Variants in LGR6 observed in about 807,000 individuals in gnomAD.
LGR6 encodes leucine rich repeat containing G protein-coupled receptor 6.
Under a neutral mutation model 69.4 loss-of-function variants are expected in LGR6, and 45 were observed. That is an observed-to-expected ratio of 0.65 (90% CI 0.51 to 0.83). The LOEUF (loss-of-function observed/expected upper bound fraction) is 0.83. Among genes scored for constraint, LGR6 ranks in the 40% least tolerant of loss-of-function variants. LGR6 has a pLI of 0.00. For synonymous variants in LGR6, 538 were observed against 555.0 expected (o/e 0.97, Z 0.43); for missense variants, 1,108 against 1,246.7 (o/e 0.89, Z 1.68).
intron 7 of LGR6, among the ~76,000 whole-genome samples, chr1:202,299,310 A>G (rs143856739): frequency 6.6e-6 from 1 of 151,388 alleles, no homozygotes; most frequent in African/African-American, 2.4e-5. Flanking sequence ...GAATTTCTCC[A>G]TTGCCAGAGT....
At chr1:202,209,799 A>T (rs1659392395) in intron 1 of LGR6, among the ~76,000 whole-genome samples, 1 of 152,142 alleles carries the variant, frequency 6.6e-6, no homozygotes, top group Non-Finnish European at 1.5e-5. Flanking sequence ...TGACCTACTG[A>T]GCCAGAATCT....
chr1:202,281,042 C>T (rs1031752584), intron 6 of LGR6, 190 bp downstream of exon 6: 5 of 578,302 alleles, frequency 8.6e-6, no homozygotes, highest in East Asian at 6.1e-5. Flanking sequence ...ATTTCTTCCT[C>T]CTTCAGGTGG....
intron 6 of LGR6, among the ~76,000 whole-genome samples, chr1:202,284,831 G>A (rs1160129620): frequency 6.6e-6 from 1 of 152,220 alleles, no homozygotes; most frequent in African/African-American, 2.4e-5. Flanking sequence ...GAGGGGACAG[G>A]GCCCAGGATG....
chr1:202,272,423 C>T (rs1270770890), intron 4 of LGR6, among the ~76,000 whole-genome samples: 2 of 152,314 alleles, frequency 1.3e-5, no homozygotes, highest in East Asian at 1.9e-4. Context: ...TTCCTTTTCT[C>T]CTTTGGTGTG....
chr1:202,199,829 T>C (rs1184233660), intron 1 of LGR6, among the ~76,000 whole-genome samples: 2 of 152,188 alleles, frequency 1.3e-5, no homozygotes, highest in Admixed American at 1.3e-4. Flanking sequence ...ACACTAATAG[T>C]ATCTACCTCA....
intron 6 of LGR6, among the ~76,000 whole-genome samples, chr1:202,285,938 T>A (rs371377733): frequency 6.6e-6 from 1 of 152,238 alleles, no homozygotes; most frequent in Non-Finnish European, 1.5e-5. Flanking sequence ...ACCTCACTTC[T>A]GGTGTCTGGT....
intron 4 of LGR6, among the ~76,000 whole-genome samples, chr1:202,273,099 C>G (rs926070839): frequency 1.3e-5 from 2 of 152,174 alleles, no homozygotes; most frequent in Non-Finnish European, 2.9e-5. Context: ...AGTTGTGGGG[C>G]CTTGGGGGGC....
intron 1 of LGR6, among the ~76,000 whole-genome samples, chr1:202,207,356 A>G (rs1314854064): frequency 6.6e-6 from 1 of 152,206 alleles, no homozygotes; most frequent in Non-Finnish European, 1.5e-5. Flanking sequence ...AGGTGGCCCC[A>G]GGACTAGAGG....
chr1:202,201,150 G>A (rs1365627466), intron 1 of LGR6, among the ~76,000 whole-genome samples: 3 of 152,210 alleles, frequency 2.0e-5, no homozygotes, highest in Non-Finnish European at 4.4e-5. Context: ...AGCATCTTGC[G>A]CCCAGCTCTC....
chr1:202,307,586 G>A (rs909334561), intron 14 of LGR6, among the ~76,000 whole-genome samples, 185 bp downstream of exon 14: 1 of 152,200 alleles, frequency 6.6e-6, no homozygotes, highest in African/African-American at 2.4e-5. Context: ...CAGAGATCCT[G>A]CCTCTTGTAA....
In LGR6 at chr1:202,297,583, G is replaced by T. The variant is rs75131510; in HGVS notation, c.785+7G>T. On this transcript the variant is annotated splice_region_variant and intron_variant, in intron 7 of 17. Coordinates refer to ENST00000367278, the MANE Select transcript of LGR6 (RefSeq NM_001017403.2). ...TGGGCAGACTGCAGGAACTGTAAGC[G>T]CCTCTTTTGGTTTCTGTGGGTGTCC... 151 of 1,612,764 alleles carry T rather than the reference G, an allele frequency of 9.4e-5. No homozygotes were observed. In the African/African-American group the frequency reaches 1.8e-3, roughly 19 times the overall value.
chr1:202,303,437 G>A (rs1332602866), intron 10 of LGR6, 90 bp downstream of exon 10: 1 of 1,017,334 alleles, frequency 9.8e-7, no homozygotes, highest in Non-Finnish European at 1.5e-6. Flanking sequence ...GGCTGTCTAG[G>A]TTCCTTGCTT....
At chr1:202,238,574 C>A (rs1017267342) in intron 4 of LGR6, among the ~76,000 whole-genome samples, 1 of 151,924 alleles carries the variant, frequency 6.6e-6, no homozygotes, top group African/African-American at 2.4e-5. Context: ...CAGGCGTGGG[C>A]TACCACGCCC....
intron 1 of LGR6, chr1:202,214,371 G>T: frequency 1.1e-6 from 1 of 929,064 alleles, no homozygotes; most frequent in South Asian, 1.9e-5. Flanking sequence ...CCATTGTTCT[G>T]GGAGCCGAGG....
At chr1:202,272,992 C>T (rs1351240336) in intron 4 of LGR6, among the ~76,000 whole-genome samples, 2 of 152,210 alleles carry the variant, frequency 1.3e-5, no homozygotes, top group Non-Finnish European at 2.9e-5. Flanking sequence ...TTCTTAACCT[C>T]CCATCATGCA....
intron 1 of LGR6, among the ~76,000 whole-genome samples, chr1:202,220,511 G>T (rs930935266): frequency 6.6e-5 from 10 of 152,196 alleles, no homozygotes; most frequent in African/African-American, 2.4e-4. Context: ...GAGTCACCAC[G>T]CCCGGCCCAC....
intron 16 of LGR6, among the ~76,000 whole-genome samples, chr1:202,314,431 T>C (rs1210408792): frequency 6.6e-6 from 1 of 152,168 alleles, no homozygotes; most frequent in East Asian, 1.9e-4. Flanking sequence ...AAAATTACAG[T>C]GACAGCCCAG....
At chr1:202,220,265 C>G (rs575280372) in intron 1 of LGR6, among the ~76,000 whole-genome samples, 1 of 150,596 alleles carries the variant, frequency 6.6e-6, no homozygotes, top group African/African-American at 2.4e-5. Flanking sequence ...TCGTCCCGTT[C>G]GGAGTGCAGT....
chr1:202,236,571 AAGCGGGAGC>A (rs1204039679), intron 4 of LGR6, among the ~76,000 whole-genome samples: 2 of 152,168 alleles, frequency 1.3e-5, no homozygotes, highest in Admixed American at 1.3e-4. Flanking sequence ...CTGAGGGTGG[AAGCGGGAGC>A]AGGTGCTCCA....
Sources: gnomAD v4.1 joint callset for allele counts (sites outside exome capture counted in the v4.1 genomes callset) on GRCh38, gnomAD v4.1.1 for gene constraint, MANE v1.5 for transcripts, NCBI Gene and HGNC (gene_info 2026-07-23, HGNC 2026-07-21) for gene names.